RALGAPA1: variants seen among roughly 807,000 people sequenced by gnomAD.
RALGAPA1 encodes Ral GTPase activating protein catalytic subunit alpha 1.
In RALGAPA1, 52 loss-of-function variants were observed where a neutral mutation model predicts 269.6. That is an observed-to-expected ratio of 0.19 (90% CI 0.15 to 0.24). The LOEUF (loss-of-function observed/expected upper bound fraction) is 0.24, where lower values mean the gene tolerates loss of function less well. RALGAPA1 is among the 10% of genes least tolerant of loss of function. The pLI, the probability that RALGAPA1 is intolerant of heterozygous loss-of-function variation, is 1.00. For missense variants in RALGAPA1, 1,917 were observed against 3,013.9 expected, an observed-to-expected ratio of 0.64 and a Z score of 8.52; for synonymous variants, 817 against 1,008.3, an observed-to-expected ratio of 0.81 and a Z score of 3.60.
intron 35 of RALGAPA1, among the ~76,000 whole-genome samples, chr14:35,608,942 C>T (rs1401753877): frequency 6.6e-6 from 1 of 152,062 alleles, no homozygotes; most frequent in Non-Finnish European, 1.5e-5. Flanking sequence ...TAAAACAAGC[C>T]TTGGCCAGGT....
intron 7 of RALGAPA1, among the ~76,000 whole-genome samples, chr14:35,754,605 A>C (rs1180042200): frequency 6.6e-6 from 1 of 152,242 alleles, no homozygotes; most frequent in East Asian, 1.9e-4. Flanking sequence ...TATAAGTCTT[A>C]CATATTGCTG....
chr14:35,648,573 AAGCTCCTGAGCTGAAGTGACC>A (rs2062612702), intron 31 of RALGAPA1, among the ~76,000 whole-genome samples: 1 of 152,084 alleles, frequency 6.6e-6, no homozygotes, highest in African/African-American at 2.4e-5. Context: ...ACTTCAGCTC[AAGCTCCTGAGCTGAAGTGACC>A]AGCTCCTGAC....
intron 41 of RALGAPA1, among the ~76,000 whole-genome samples, chr14:35,545,861 A>C (rs971889658): frequency 6.6e-6 from 1 of 152,148 alleles, no homozygotes; most frequent in African/African-American, 2.4e-5. Flanking sequence ...TCTGGCCAAG[A>C]AGAGCAGTAA....
intron 39 of RALGAPA1, among the ~76,000 whole-genome samples, chr14:35,552,162 C>G (rs1036536313): frequency 6.6e-6 from 1 of 152,044 alleles, no homozygotes; most frequent in African/African-American, 2.4e-5. Flanking sequence ...ACAGGACTTA[C>G]ATCCCCCCCC....
Position 35,808,920 on chromosome 14 carries a change from A to T in RALGAPA1, c.-85T>A. 6.5e-7 allele frequency: 1 copy of T among 1,534,590 alleles called. No individual in the cohort carries two copies. The highest frequency in any genetic ancestry group is 8.8e-7 in the Non-Finnish European group (1 of 1,141,784). The stretch of plus-strand genomic sequence containing the variant: ...CAGAAAGTGGAGGGAGTGGACGGGG[A>T]GGAGACTAGCCAGAGAGGCTCATTA... On this transcript the variant is annotated 5_prime_UTR_variant, in exon 1 of 42. Coordinates refer to ENST00000680220, the MANE Select transcript of RALGAPA1 (RefSeq NM_001346249.2).
chr14:35,644,669 T>C (rs1029856178), intron 31 of RALGAPA1, among the ~76,000 whole-genome samples: 2 of 152,206 alleles, frequency 1.3e-5, no homozygotes, highest in Admixed American at 1.3e-4. Flanking sequence ...AGATTTTTCA[T>C]TGCTGGAGCA....
intron 6 of RALGAPA1, 134 bp from the exon 7 acceptor site, chr14:35,757,042 G>C: frequency 1.9e-6 from 1 of 519,816 alleles, no homozygotes. Flanking sequence ...ACTGATCCTT[G>C]AAATAAATCT....
chr14:35,646,069 A>C (rs1368972092), intron 31 of RALGAPA1, among the ~76,000 whole-genome samples: 1 of 152,220 alleles, frequency 6.6e-6, no homozygotes, highest in Non-Finnish European at 1.5e-5. Context: ...CATTGAAATA[A>C]GATGAATAAG....
At chr14:35,768,613 A>T (rs999327624) in intron 4 of RALGAPA1, among the ~76,000 whole-genome samples, 10 of 152,058 alleles carry the variant, frequency 6.6e-5, no homozygotes, top group African/African-American at 2.4e-4. Flanking sequence ...GGGATGGCTT[A>T]AGCCCATTTC....
chr14:35,763,968 T>C (rs1466084360), intron 4 of RALGAPA1, among the ~76,000 whole-genome samples: 5 of 152,216 alleles, frequency 3.3e-5, no homozygotes, highest in Admixed American at 6.5e-5. Flanking sequence ...GATAATCTGA[T>C]GTATGTTAAC....
At chr14:35,742,009 AG>A (rs1430867072) in intron 11 of RALGAPA1, among the ~76,000 whole-genome samples, 1 of 152,332 alleles carries the variant, frequency 6.6e-6, no homozygotes, top group East Asian at 1.9e-4. Context: ...CCAGGAAAGG[AG>A]GAACTGTGGT....
rs545130945 is a variant in RALGAPA1, at chr14:35,721,603, G to T, written c.2266+85C>A. The T allele has an allele frequency of 4.0e-6, 5 of 1,256,358 alleles. 1 individual carries two copies. The South Asian group carries it at 5.3e-5, about 13-fold the overall frequency. The allele number at this position is 1,256,358 out of a possible 1,614,324, so 77.8% of individuals were successfully genotyped here. A position where few individuals can be genotyped will look rare whatever the true frequency, so the allele number is the denominator to read the frequency against. On this transcript the variant is annotated intron_variant, in intron 16 of 41. Coordinates refer to ENST00000680220, the MANE Select transcript of RALGAPA1 (RefSeq NM_001346249.2). ...TTTCACAACAATAATCAACTGGTAA[G>T]AAAAATTTATATTGATATAAATTGT...
At chr14:35,713,831 C>G (rs2068572022) in intron 16 of RALGAPA1, among the ~76,000 whole-genome samples, 1 of 152,120 alleles carries the variant, frequency 6.6e-6, no homozygotes, top group East Asian at 1.9e-4. Context: ...TGCGGTGGCT[C>G]ACGCTTATAA....
chr14:35,626,692 T>A (rs1162833317), intron 34 of RALGAPA1, among the ~76,000 whole-genome samples: 1 of 152,160 alleles, frequency 6.6e-6, no homozygotes, highest in Non-Finnish European at 1.5e-5. Flanking sequence ...GTAACATGCA[T>A]CAGAAAACAA....
intron 31 of RALGAPA1, among the ~76,000 whole-genome samples, chr14:35,650,245 C>A (rs2062728159): frequency 6.6e-6 from 1 of 151,738 alleles, no homozygotes; most frequent in Admixed American, 6.6e-5. Context: ...ATTAGCCAGG[C>A]ATGGTGGTGT....
At chr14:35,562,094 TAAC>T (rs915258500) in intron 39 of RALGAPA1, among the ~76,000 whole-genome samples, 2 of 152,206 alleles carry the variant, frequency 1.3e-5, no homozygotes, top group African/African-American at 4.8e-5. Flanking sequence ...CAATTTGATT[TAAC>T]AACTAATCAA....
chr14:35,709,404 G>A (rs2068094945), intron 16 of RALGAPA1, among the ~76,000 whole-genome samples: 1 of 151,930 alleles, frequency 6.6e-6, no homozygotes. Context: ...AGGATCACTG[G>A]TAATGGTTCT....
chr14:35,759,745 A>C (rs1442291522), intron 6 of RALGAPA1, among the ~76,000 whole-genome samples: 1 of 152,032 alleles, frequency 6.6e-6, no homozygotes, highest in African/African-American at 2.4e-5. Flanking sequence ...CCCTGTCTCT[A>C]CTAAAAATAC....
At chr14:35,639,570 C>A (rs2061875237) in intron 31 of RALGAPA1, among the ~76,000 whole-genome samples, 1 of 152,134 alleles carries the variant, frequency 6.6e-6, no homozygotes, top group African/African-American at 2.4e-5. Context: ...TATTAAGTAT[C>A]TTCTCTGACC....
Sources: gnomAD v4.1 joint callset for allele counts (sites outside exome capture counted in the v4.1 genomes callset) on GRCh38, gnomAD v4.1.1 for gene constraint, MANE v1.5 for transcripts, NCBI Gene and HGNC (gene_info 2026-07-23, HGNC 2026-07-21) for gene names.